KNDC1: variants seen among roughly 807,000 people sequenced by gnomAD.
The protein encoded by KNDC1 is kinase non-catalytic C-lobe domain-containing protein 1.
In KNDC1, 106 loss-of-function variants were observed where a neutral mutation model predicts 172.8. That is an observed-to-expected ratio of 0.61 (90% confidence interval 0.52 to 0.72). The LOEUF is 0.72. Among genes scored for constraint, KNDC1 ranks in the 30% least tolerant of loss-of-function variants. The pLI is 0.00. For missense variants in KNDC1, 2,325 were observed against 2,394.5 expected, an observed-to-expected ratio of 0.97 and a Z score of 0.61; for synonymous variants, 1,083 against 1,062.2, an observed-to-expected ratio of 1.02 and a Z score of -0.38.
chr10:133,215,485 G>A (rs755393598), intron 26 of KNDC1, among the ~76,000 whole-genome samples: 5 of 152,268 alleles, frequency 3.3e-5, no homozygotes, highest in Non-Finnish European at 5.9e-5. Context: ...ACGCCAGCAC[G>A]GGGCGTGGGA....
At chr10:133,177,293 G>A (rs1399696345) in intron 3 of KNDC1, among the ~76,000 whole-genome samples, 3 of 152,176 alleles carry the variant, frequency 2.0e-5, no homozygotes, top group African/African-American at 7.2e-5. Flanking sequence ...GCATATGTGT[G>A]CATCTATGTA....
Position 133,210,698 on chromosome 10 carries a change from C to T in KNDC1, c.3882C>T (p.Leu1294=), listed in dbSNP as rs766521229. Residue 1294 remains leucine, a synonymous_variant, in exon 21 of 30, where the codon CTC becomes CTT. Coordinates refer to ENST00000304613, the MANE Select transcript of KNDC1 (RefSeq NM_152643.8). The stretch of plus-strand genomic sequence containing the variant: ...CCCACGACTTCCTGCACTTCCTCCT[C>T]GACCGCATCAACAGCACGCTGACCA... ...CTPHDFLHFL[L]DRINSTLTRA... The T allele has an allele frequency of 1.8e-5, 29 of 1,613,878 alleles. No individual in the cohort carries two copies. The highest frequency in any genetic ancestry group is 8.8e-5 in the South Asian group (8 of 91,080).
Position 133,186,348 on chromosome 10 carries a change from T to G in KNDC1, c.1000T>G (p.Ser334Ala), listed in dbSNP as rs1432190257. Residue 334 changes from serine to alanine, a missense_variant, in exon 6 of 30, where the codon TCG (serine) becomes GCG (alanine). Coordinates refer to ENST00000304613, the MANE Select transcript of KNDC1 (RefSeq NM_152643.8). ...CCGCGGGAAAAGCCAGCTGCCCATA[T>G]CGGAATTATTCTCTCCGGACCCCAG... ...LTRGKSQLPI[S>A]ELFSPDPRKA... 6.2e-7 allele frequency: 1 copy of G among 1,612,640 alleles called. No individual in the cohort carries two copies.
intron 1 of KNDC1, 103 bp downstream of exon 1, chr10:133,160,672 A>C: frequency 2.9e-6 from 2 of 701,236 alleles, no homozygotes; most frequent in East Asian, 3.4e-5. Flanking sequence ...CCGCCTCCCC[A>C]GGCGCCCTCC....
intron 9 of KNDC1, among the ~76,000 whole-genome samples, chr10:133,195,200 TCA>T (rs1854154060): frequency 6.6e-6 from 1 of 152,192 alleles, no homozygotes; most frequent in Non-Finnish European, 1.5e-5. Flanking sequence ...CCGGATGAAC[TCA>T]GTTTGCACAC....
chr10:133,206,456 C>T (rs1845195951), intron 17 of KNDC1, among the ~76,000 whole-genome samples: 1 of 152,002 alleles, frequency 6.6e-6, no homozygotes, highest in Non-Finnish European at 1.5e-5. Context: ...GCAGTCGGCC[C>T]CAAGCTGGGC....
At chr10:133,195,130 GT>G (rs1303646898) in intron 9 of KNDC1, among the ~76,000 whole-genome samples, 1 of 152,246 alleles carries the variant, frequency 6.6e-6, no homozygotes, top group Non-Finnish European at 1.5e-5. Flanking sequence ...GACTGGCTCT[GT>G]GGAACTTACA....
intron 16 of KNDC1, among the ~76,000 whole-genome samples, chr10:133,201,006 C>T (rs73388555): frequency 0.015 from 2,267 of 152,314 alleles, 56 homozygotes; most frequent in African/African-American, 0.052. Context: ...GGCTTGGTGA[C>T]GGGCCCAGTT....
At chr10:133,168,195 G>A (rs888701623) in intron 2 of KNDC1, 59 bp from the exon 3 acceptor site, 19 of 1,497,898 alleles carry the variant, frequency 1.3e-5, no homozygotes, top group Middle Eastern at 1.7e-4. Context: ...CTCAGCTGGC[G>A]GGTTCAGGTT....
chr10:133,181,599 G>C (rs1853717849), intron 3 of KNDC1, among the ~76,000 whole-genome samples: 1 of 152,200 alleles, frequency 6.6e-6, no homozygotes, highest in South Asian at 2.1e-4. Context: ...GGAGGGAGAG[G>C]GTAGAGGAGA....
chr10:133,172,535 C>G (rs1175827313), intron 3 of KNDC1, among the ~76,000 whole-genome samples: 1 of 152,164 alleles, frequency 6.6e-6, no homozygotes, highest in South Asian at 2.1e-4. Flanking sequence ...ATGTTTTCAC[C>G]GGCCTCAGGA....
chr10:133,214,145 G>A (rs1304794604), intron 26 of KNDC1, 23 bp downstream of exon 26: 1 of 1,612,220 alleles, frequency 6.2e-7, no homozygotes, highest in Non-Finnish European at 8.5e-7. Context: ...CAGTTCCGAG[G>A]CCAACACGGG....
At chr10:133,215,763 C>G (rs1455221717) in intron 26 of KNDC1, among the ~76,000 whole-genome samples, 12 of 152,236 alleles carry the variant, frequency 7.9e-5, no homozygotes, top group Admixed American at 7.9e-4. Context: ...GCCTGAGGGT[C>G]TCCGGGATGG....
intron 2 of KNDC1, 122 bp downstream of exon 2, chr10:133,167,701 C>T: frequency 9.3e-7 from 1 of 1,074,098 alleles, no homozygotes; most frequent in South Asian, 1.5e-5. Context: ...CCCGGGTTTC[C>T]TGTGGAGACC....
At position 133,189,473 on chromosome 10, in the gene KNDC1, G is replaced by A. The variant is rs553448305; in HGVS notation, c.1442-125G>A. 2.7e-4 allele frequency: 234 copies of A among 858,286 alleles called. 1 individual carries two copies. Among genetic ancestry groups the A allele is most frequent in the East Asian group, 1.7e-3 (65 of 37,710 alleles). 53.2% of individuals were successfully genotyped at this position (858,286 alleles called of 1,614,324 possible). On this transcript the variant is annotated intron_variant, in intron 7 of 29. Transcript: ENST00000304613. ...GCCATGTGCGTGCACTGGCAGGTGC[G>A]TGCCCGTGCAATGGGGAGGCTGGGG... is the stretch of plus-strand genomic sequence containing the variant.
intron 1 of KNDC1, 143 bp from the exon 2 acceptor site, chr10:133,167,238 G>A (rs1051446106): frequency 4.2e-6 from 3 of 719,492 alleles, no homozygotes; most frequent in South Asian, 3.7e-5. Flanking sequence ...AACAAAATGA[G>A]ACGTGGTCTA....
chr10:133,204,830 G>T (rs535393460), intron 17 of KNDC1, among the ~76,000 whole-genome samples: 167 of 152,170 alleles, frequency 1.1e-3, no homozygotes, highest in African/African-American at 4.0e-3. Context: ...GGTCGCTTCG[G>T]GCCCTGGGCA....
At chr10:133,189,091 C>T (rs565087659) in intron 7 of KNDC1, among the ~76,000 whole-genome samples, 74 of 152,276 alleles carry the variant, frequency 4.9e-4, no homozygotes, top group African/African-American at 1.5e-3. Context: ...CAGCATTGCA[C>T]GGGTCTGCCC....
rs1163747267 is a variant in KNDC1, at chr10:133,224,983, T to C, written c.*93T>C. The C allele has an allele frequency of 3.0e-6, 3 of 1,006,034 alleles. No individual in the cohort carries two copies. The highest frequency in any genetic ancestry group is 5.2e-5 in the East Asian group (2 of 38,494). The allele number at this position is 1,006,034 out of a possible 1,614,324, so 62.3% of individuals were successfully genotyped here. A position where few individuals can be genotyped will look rare whatever the true frequency, so the allele number is the denominator to read the frequency against. On this transcript the variant is annotated 3_prime_UTR_variant, in exon 30 of 30. Coordinates refer to ENST00000304613, the MANE Select transcript of KNDC1 (RefSeq NM_152643.8). This position sits in a 1 kb window ranked among gnomAD's most constrained non-coding sequence, Gnocchi z 5.4. Reference sequence around the variant, plus strand: ...AGCCGCGTCTCAGGCCCGGCCGTTATCAAGGCCCCTCCGCCCCCGAACCCT... The same window carrying C: ...AGCCGCGTCTCAGGCCCGGCCGTTACCAAGGCCCCTCCGCCCCCGAACCCT...
Sources: gnomAD v4.1 joint callset for allele counts (sites outside exome capture counted in the v4.1 genomes callset) on GRCh38, gnomAD v4.1.1 for gene constraint, Gnocchi (gnomAD v3.1) non-coding constraint, MANE v1.5 for transcripts, NCBI Gene and HGNC (gene_info 2026-07-23, HGNC 2026-07-21) for gene names.